Variants in LIFR observed in about 807,000 individuals in gnomAD.
LIFR encodes the protein leukemia inhibitory factor receptor.
Under a neutral mutation model 122.2 loss-of-function variants are expected in LIFR, and 84 were observed. That is an observed-to-expected ratio of 0.69 (90% CI 0.58 to 0.82). The LOEUF (loss-of-function observed/expected upper bound fraction) is 0.82. LIFR is among the 40% of genes least tolerant of loss of function. The pLI, the probability that LIFR is intolerant of heterozygous loss-of-function variation, is 0.00. For synonymous variants in LIFR, 422 were observed against 434.7 expected (o/e 0.97, Z 0.36); for missense variants, 1,294 against 1,311.6 (o/e 0.99, Z 0.21).
intron 1 of LIFR, among the ~76,000 whole-genome samples, chr5:38,565,569 C>T (rs1206984970): frequency 6.6e-6 from 1 of 151,482 alleles, no homozygotes; most frequent in African/African-American, 2.4e-5. Flanking sequence ...TAAAATATAC[C>T]TCTGTCATGA....
chr5:38,581,140 G>C (rs1749567660), intron 1 of LIFR, among the ~76,000 whole-genome samples: 1 of 152,010 alleles, frequency 6.6e-6, no homozygotes, highest in African/African-American at 2.4e-5. Flanking sequence ...AATAAATAGT[G>C]GTGGTTAGGA....
intron 6 of LIFR, among the ~76,000 whole-genome samples, chr5:38,511,462 G>T (rs1745798823): frequency 6.6e-6 from 1 of 151,696 alleles, no homozygotes; most frequent in Non-Finnish European, 1.5e-5. Flanking sequence ...CCAGAAATTG[G>T]GAACTGTTTT....
chr5:38,481,364 C>T lies in LIFR; in HGVS notation c.*231G>A. On this transcript the variant is annotated 3_prime_UTR_variant, in exon 20 of 20. Transcript: ENST00000453190. ...ACATGAGAATTCTTTGGCTTGATCA[C>T]AAAGAGCTCCCAATCTTGAGTTTTG... is the stretch of plus-strand genomic sequence containing the variant. 3 of 577,142 alleles carry T rather than the reference C, an allele frequency of 5.2e-6. No homozygotes were observed. The highest frequency in any genetic ancestry group is 4.1e-5 in the South Asian group (2 of 49,184). The allele number at this position is 577,142 out of a possible 1,614,324, so 35.8% of individuals were successfully genotyped here.
intron 13 of LIFR, among the ~76,000 whole-genome samples, chr5:38,496,037 T>C (rs1744858289): frequency 6.6e-6 from 1 of 152,112 alleles, no homozygotes; most frequent in South Asian, 2.1e-4. Context: ...AAATAAACTT[T>C]CCTAGTCTTG....
chr5:38,511,219 G>C (rs918979688), intron 6 of LIFR, among the ~76,000 whole-genome samples: 2 of 152,016 alleles, frequency 1.3e-5, no homozygotes, highest in African/African-American at 4.8e-5. Context: ...CTTTAATCTA[G>C]TCCCCTTCCT....
In LIFR at chr5:38,576,305, C is replaced by G. The variant is rs145332607; in HGVS notation, c.-20+18956G>C. ...TCTGTGGTCAACATCATATCCAGAACAATCCTGTTTAAAAATGTAACTTGG... is the reference window on the plus strand; with the variant it reads ...TCTGTGGTCAACATCATATCCAGAAGAATCCTGTTTAAAAATGTAACTTGG... On this transcript the variant is annotated intron_variant, in intron 1 of 19. Transcript: ENST00000263409. Among the ~76,000 whole-genome samples, 277 of 152,296 alleles carry G rather than the reference C, an allele frequency of 1.8e-3. 3 individuals are homozygous for G. The highest frequency in any genetic ancestry group is 0.014 in the Admixed American group (209 of 15,300).
intron 1 of LIFR, among the ~76,000 whole-genome samples, chr5:38,577,551 T>C (rs961147327): frequency 6.6e-6 from 1 of 152,126 alleles, no homozygotes; most frequent in African/African-American, 2.4e-5. Flanking sequence ...ACTGATAGCA[T>C]CCCCACCTCC....
intron 2 of LIFR, among the ~76,000 whole-genome samples, chr5:38,602,754 A>T (rs1295280551): frequency 6.6e-6 from 1 of 152,098 alleles, no homozygotes; most frequent in Non-Finnish European, 1.5e-5. Flanking sequence ...CAGGAAAAGG[A>T]TCTTCTTCCC....
At position 38,481,328 on chromosome 5, in the gene LIFR, G is replaced by A; in HGVS notation, c.*267C>T. The A allele has an allele frequency of 1.9e-6, 1 of 521,302 alleles. No individual in the cohort carries two copies. The highest frequency in any genetic ancestry group is 3.5e-6 in the Non-Finnish European group (1 of 289,146). The allele number at this position is 521,302 out of a possible 1,614,324, so 32.3% of individuals were successfully genotyped here. A position where few individuals can be genotyped will look rare whatever the true frequency, so the allele number is the denominator to read the frequency against. The stretch of plus-strand genomic sequence containing the variant: ...AGGTATTAGCCTTGAAATGCTTCTT[G>A]AAGGTAGAGTACATGAGAATTCTTT... On this transcript the variant is annotated 3_prime_UTR_variant, in exon 20 of 20. Transcript: ENST00000453190.
At chr5:38,542,020 A>G (rs1185459934) in intron 1 of LIFR, among the ~76,000 whole-genome samples, 1 of 152,226 alleles carries the variant, frequency 6.6e-6, no homozygotes, top group Non-Finnish European at 1.5e-5. Flanking sequence ...CGTGTCCTCC[A>G]GTGGTATTAA....
chr5:38,580,839 CA>C (rs1350168413), intron 1 of LIFR, among the ~76,000 whole-genome samples: 2 of 152,142 alleles, frequency 1.3e-5, no homozygotes, highest in African/African-American at 2.4e-5. Context: ...TCAGCCTCTG[CA>C]GCCCCATAAA....
At chr5:38,508,536 C>T (rs1033897982) in intron 7 of LIFR, among the ~76,000 whole-genome samples, 9 of 151,388 alleles carry the variant, frequency 5.9e-5, no homozygotes, top group Admixed American at 3.3e-4. Flanking sequence ...TGCACGCAGA[C>T]GTGTGTGTAG....
At chr5:38,521,383 T>C (rs1746389488) in intron 5 of LIFR, among the ~76,000 whole-genome samples, 1 of 152,228 alleles carries the variant, frequency 6.6e-6, no homozygotes, top group Non-Finnish European at 1.5e-5. Flanking sequence ...ACAATTTGAC[T>C]CTCTCTTTCC....
chr5:38,499,731 C>T, intron 11 of LIFR, 148 bp from the exon 12 acceptor site: 1 of 688,916 alleles, frequency 1.5e-6, no homozygotes. Flanking sequence ...AATGGAAAAT[C>T]TAAGCTCTCA....
In LIFR at chr5:38,485,844, A is replaced by C. The variant is rs1053753243; in HGVS notation, c.2472T>G (p.Ser824Arg). 5.6e-6 allele frequency: 9 copies of C among 1,613,422 alleles called. No homozygotes were observed. The highest frequency in any genetic ancestry group is 6.8e-6 in the Non-Finnish European group (8 of 1,179,920). ...AATTTTCCTTTGTCACCACATACAT[A>C]CTCTTCTCCGGGCCCACTCCACCAT... ...YTDGGVGPEK[S>R]MYVVTKENSV... Residue 824 changes from serine (S) to arginine (R), a missense_variant, in exon 17 of 20, where the codon AGT becomes AGG. By Grantham distance (110) the Ser-to-Arg change is moderately radical (BLOSUM62 -1). Transcript: ENST00000453190.
At position 38,535,376 on chromosome 5, in the gene LIFR, TTAATTA is replaced by T. The variant is rs1362070454; in HGVS notation, c.-19-4716_-19-4711del. ...CATCTGCTGCTGCTTCCACAACACT[TTAATTA>T]TATTTATGTCATGGGGTTGCACAAT... On this transcript the variant is annotated intron_variant, in intron 1 of 19. Coordinates refer to ENST00000453190, the MANE Select transcript of LIFR (RefSeq NM_001127671.2). Among the ~76,000 whole-genome samples, 3 of 152,276 alleles carry T rather than the reference TTAATTA, an allele frequency of 2.0e-5. No individual in the cohort carries two copies. In the East Asian group the frequency reaches 5.8e-4, roughly 29 times the overall value.
At chr5:38,547,653 T>C (rs1481289791) in intron 1 of LIFR, among the ~76,000 whole-genome samples, 1 of 152,186 alleles carries the variant, frequency 6.6e-6, no homozygotes, top group Non-Finnish European at 1.5e-5. Context: ...ACAAAACTAA[T>C]GTAGTTTTAC....
chr5:38,506,413 A>T lies in LIFR; in HGVS notation c.1121+90T>A, dbSNP rs1157432305. The T allele has an allele frequency of 2.1e-5, 30 of 1,460,854 alleles. No homozygotes were observed. The Admixed American group carries it at 5.0e-4, about 24-fold the overall frequency. The allele number at this position is 1,460,854 out of a possible 1,614,324, so 90.5% of individuals were successfully genotyped here. ...TTTGGTTTTATATCTTGTTTGTAACATAAATGATCTAGTGCAGTTCCCTAT... is the reference window on the plus strand; with the variant it reads ...TTTGGTTTTATATCTTGTTTGTAACTTAAATGATCTAGTGCAGTTCCCTAT... On this transcript the variant is annotated intron_variant, in intron 8 of 19. Coordinates refer to ENST00000453190, the MANE Select transcript of LIFR (RefSeq NM_001127671.2).
chr5:38,529,215 G>A (rs1746868767), intron 2 of LIFR, among the ~76,000 whole-genome samples: 1 of 151,716 alleles, frequency 6.6e-6, no homozygotes, highest in South Asian at 2.1e-4. Flanking sequence ...GACCAAGAGA[G>A]GGCTTGAGGG....
Sources: allele counts gnomAD v4.1 joint callset (sites outside exome capture counted in the v4.1 genomes callset), GRCh38; gene constraint gnomAD v4.1.1; transcripts MANE v1.5; gene names NCBI Gene and HGNC (gene_info 2026-07-23, HGNC 2026-07-21).